The following TSPAN14 variants were observed in gnomAD, a reference collection of about 807,000 sequenced individuals.
The protein encoded by TSPAN14 is tetraspanin 14.
In TSPAN14, 16 loss-of-function variants were observed where a neutral mutation model predicts 36.6. The ratio of observed to expected loss-of-function variants is 0.44; its 90% confidence interval spans 0.30 to 0.66. The LOEUF is 0.66. TSPAN14 is among the 30% of genes least tolerant of loss of function. The pLI, the probability that TSPAN14 is intolerant of heterozygous loss-of-function variation, is 0.12. For synonymous variants in TSPAN14, 139 were observed against 143.8 expected (o/e 0.97, Z 0.24); for missense variants, 231 against 355.1 (o/e 0.65, Z 2.81).
intron 1 of TSPAN14, among the ~76,000 whole-genome samples, chr10:80,461,351 C>T (rs1164794937): frequency 6.6e-6 from 1 of 152,230 alleles, no homozygotes; most frequent in Non-Finnish European, 1.5e-5. Context: ...AGCCAGCTTC[C>T]ACCCTTGCAG....
chr10:80,466,844 TAA>T (rs946410557), intron 1 of TSPAN14, among the ~76,000 whole-genome samples: 2 of 152,192 alleles, frequency 1.3e-5, no homozygotes, highest in African/African-American at 4.8e-5. Flanking sequence ...GGCAAAGGCA[TAA>T]GTCAGTACAT....
At chr10:80,517,481 T>G (rs1158437546) in intron 8 of TSPAN14, among the ~76,000 whole-genome samples, 2 of 152,242 alleles carry the variant, frequency 1.3e-5, no homozygotes, top group Admixed American at 6.5e-5. Flanking sequence ...GGGGATGGCC[T>G]TGGTTTTATT....
chr10:80,509,946 G>C lies in TSPAN14; in HGVS notation c.450+475G>C, dbSNP rs1171446407. ...CCTTCCTGTTTAAGAAGCCAGGGCT[G>C]CCTGGAGGAAGCTTTGTCAGATCTA... On this transcript the variant is annotated intron_variant, in intron 5 of 8. Coordinates refer to ENST00000429989, the Ensembl canonical transcript of TSPAN14. The surrounding 1 kb of genome is among the most constrained non-coding windows in gnomAD (Gnocchi z 4.7). 1.2e-5 allele frequency: 2 copies of C among 161,386 alleles called. No individual in the cohort carries two copies. The highest frequency in any genetic ancestry group is 4.8e-5 in the African/African-American group (2 of 41,610). The allele number at this position is 161,386 out of a possible 1,614,324, so 10.0% of individuals were successfully genotyped here. A position where few individuals can be genotyped will look rare whatever the true frequency, so the allele number is the denominator to read the frequency against.
intron 1 of TSPAN14, among the ~76,000 whole-genome samples, chr10:80,456,613 G>A (rs1231341483): frequency 6.6e-6 from 1 of 152,226 alleles, no homozygotes. Flanking sequence ...ATTCCTTTTA[G>A]CAGTGCCTGC....
intron 3 of TSPAN14, among the ~76,000 whole-genome samples, chr10:80,505,435 A>G (rs1166283853): frequency 6.6e-6 from 1 of 151,982 alleles, no homozygotes; most frequent in African/African-American, 2.4e-5. Context: ...CAGGGAGGGA[A>G]GAGGGGAGGG....
chr10:80,513,437 G>GCT (rs1488013252), intron 6 of TSPAN14, among the ~76,000 whole-genome samples: 1 of 152,178 alleles, frequency 6.6e-6, no homozygotes. Flanking sequence ...CCCAGGAGAG[G>GCT]CTCAGATTTG....
At chr10:80,483,073 T>C (rs1161957838) in intron 1 of TSPAN14, among the ~76,000 whole-genome samples, 1 of 152,158 alleles carries the variant, frequency 6.6e-6, no homozygotes, top group Admixed American at 6.5e-5. Context: ...TGTTGAGATA[T>C]TTTACAGTTG....
chr10:80,502,048 G>A (rs988398146), intron 2 of TSPAN14, among the ~76,000 whole-genome samples: 3 of 152,222 alleles, frequency 2.0e-5, no homozygotes, highest in African/African-American at 7.2e-5. Context: ...ATGGAGGATG[G>A]GGAGCAGTTC....
intron 1 of TSPAN14, among the ~76,000 whole-genome samples, chr10:80,462,483 T>C (rs947226996): frequency 6.6e-5 from 10 of 152,102 alleles, no homozygotes; most frequent in African/African-American, 2.4e-4. Flanking sequence ...GTTCTAATGG[T>C]CATTGTGTCA....
At chr10:80,482,174 T>C (rs7088704) in intron 1 of TSPAN14, among the ~76,000 whole-genome samples, 58,901 of 152,166 alleles carry the variant, frequency 0.39, 12,186 homozygotes, top group African/African-American at 0.53. Context: ...TTTCTCAACA[T>C]GGTTTTTACA....
chr10:80,496,043 T>C (rs1045517282), intron 2 of TSPAN14, among the ~76,000 whole-genome samples: 1 of 152,218 alleles, frequency 6.6e-6, no homozygotes. Flanking sequence ...TTTTTCTGTT[T>C]TTAATTACTT....
At chr10:80,454,354 T>TGCC (rs947717213) in exon 1 of TSPAN14, 1 of 151,964 alleles carries the variant, frequency 6.6e-6, no homozygotes, top group Admixed American at 6.6e-5. Context: ...GCGCCGCCGC[T>TGCC]GCCGCCGCCG....
At chr10:80,506,124 A>C (rs1045184771) in intron 3 of TSPAN14, among the ~76,000 whole-genome samples, 3 of 152,208 alleles carry the variant, frequency 2.0e-5, no homozygotes, top group African/African-American at 7.2e-5. Flanking sequence ...GGCATGTGCC[A>C]CCATGCCTGG....
intron 1 of TSPAN14, among the ~76,000 whole-genome samples, chr10:80,478,816 G>A (rs945125704): frequency 1.3e-5 from 2 of 152,134 alleles, no homozygotes; most frequent in Non-Finnish European, 2.9e-5. Flanking sequence ...GAGACCAGGA[G>A]GTCGAGACCA....
intron 7 of TSPAN14, 105 bp from the exon 8 acceptor site, chr10:80,516,099 C>T (rs908316789): frequency 8.5e-5 from 133 of 1,561,936 alleles, no homozygotes; most frequent in Middle Eastern, 1.9e-4. Context: ...CTGGATCCCT[C>T]GTTCCCACCC....
chr10:80,484,230 A>G (rs10749608), intron 1 of TSPAN14, among the ~76,000 whole-genome samples: 141,640 of 151,892 alleles, frequency 0.93, 66,153 homozygotes, highest in African/African-American at 0.98. Context: ...GCAACAGAGC[A>G]GGACTTGTTT....
chr10:80,479,216 C>T lies in TSPAN14; in HGVS notation c.-17-10001C>T, dbSNP rs1379081558. Among the ~76,000 whole-genome samples, 13 of 151,532 alleles carry T rather than the reference C, an allele frequency of 8.6e-5. No homozygotes were observed. The South Asian group carries it at 1.3e-3, about 15-fold the overall frequency. The stretch of plus-strand genomic sequence containing the variant: ...AGCCCTTTGTCAGATGAGTAGGTTG[C>T]GAAAATTTTCTCCCATTTTGTAGGT... On this transcript the variant is annotated intron_variant, in intron 1 of 8. Transcript: ENST00000429989.
exon 8 of TSPAN14, chr10:80,516,262 G>A (rs768350478): frequency 1.2e-6 from 2 of 1,614,274 alleles, no homozygotes; most frequent in Non-Finnish European, 1.7e-6. Flanking sequence ...GCGCTGGAAA[G>A]CTGGCTCCCG....
chr10:80,498,368 C>T (rs904426194), intron 2 of TSPAN14, among the ~76,000 whole-genome samples: 1 of 152,168 alleles, frequency 6.6e-6, no homozygotes, highest in Non-Finnish European at 1.5e-5. Context: ...AGAGGGATGG[C>T]TTCCTCGAGA....
Sources: gnomAD v4.1 joint callset for allele counts (sites outside exome capture counted in the v4.1 genomes callset) on GRCh38, gnomAD v4.1.1 for gene constraint, Gnocchi (gnomAD v3.1) non-coding constraint, MANE v1.5 for transcripts, NCBI Gene and HGNC (gene_info 2026-07-23, HGNC 2026-07-21) for gene names.